The following ZFYVE16 variants were observed in gnomAD, a reference collection of about 807,000 sequenced individuals.
The protein encoded by ZFYVE16 is zinc finger FYVE domain-containing protein 16.
ZFYVE16 carries 89 observed loss-of-function variants against 138.1 expected under a neutral mutation model. The observed-to-expected ratio is 0.64, with a 90% confidence interval of 0.54 to 0.77. The LOEUF (loss-of-function observed/expected upper bound fraction) is 0.77. Among genes scored for constraint, ZFYVE16 ranks in the 30% least tolerant of loss-of-function variants. ZFYVE16 has a pLI of 0.00. For synonymous variants in ZFYVE16, 596 were observed against 618.3 expected, an observed-to-expected ratio of 0.96 and a Z score of 0.53; for missense variants, 1,793 against 1,786.7, an observed-to-expected ratio of 1.00 and a Z score of -0.06.
Position 80,421,369 on chromosome 5 carries a change from C to G in ZFYVE16, c.-93-6123C>G, listed in dbSNP as rs954250494. 1.1e-4 allele frequency among the ~76,000 whole-genome samples: 17 copies of G among 152,238 alleles called. 1 individual carries two copies. The highest frequency in any genetic ancestry group is 3.9e-4 in the African/African-American group (16 of 41,538). ...GGTGTTTTAGACATGAAGTCCTTGC[C>G]CATGCCTATGTCCTGAATGGTATTG... On this transcript the variant is annotated intron_variant, in intron 1 of 18. Transcript: ENST00000505560.
At chr5:80,464,216 A>G (rs1392438117) in intron 15 of ZFYVE16, among the ~76,000 whole-genome samples, 1 of 152,080 alleles carries the variant, frequency 6.6e-6, no homozygotes, top group Non-Finnish European at 1.5e-5. Context: ...GACATACCCG[A>G]GACTGGGTAA....
At chr5:80,473,957 C>CA in intron 17 of ZFYVE16, 98 bp downstream of exon 17, 1 of 812,170 alleles carries the variant, frequency 1.2e-6, no homozygotes, top group Non-Finnish European at 2.0e-6. Context: ...TTATGCATAG[C>CA]TTATTATACT....
chr5:80,454,210 G>A (rs1752272825), intron 11 of ZFYVE16: 1 of 152,120 alleles, frequency 6.6e-6, no homozygotes, highest in Admixed American at 6.5e-5. Flanking sequence ...CTAATGTTGG[G>A]TATGTGGTGT....
At chr5:80,451,433 A>G in intron 10 of ZFYVE16, 52 bp from the exon 11 acceptor site, 2 of 1,450,766 alleles carry the variant, frequency 1.4e-6, no homozygotes, top group South Asian at 2.6e-5. Flanking sequence ...ACATTTCTTC[A>G]AAACAATAAC....
intron 12 of ZFYVE16, 187 bp downstream of exon 12, chr5:80,455,961 G>A (rs554517786): frequency 8.3e-5 from 45 of 540,556 alleles, no homozygotes; most frequent in East Asian, 5.3e-4. Flanking sequence ...TTTTTAGAAC[G>A]TACTATCTCC....
At chr5:80,474,425 G>A (rs1267525939) in intron 17 of ZFYVE16, among the ~76,000 whole-genome samples, 6 of 152,086 alleles carry the variant, frequency 3.9e-5, no homozygotes, top group Admixed American at 3.9e-4. Context: ...GATTTAATAA[G>A]CCTTTCCTTG....
rs777883268 is a variant in ZFYVE16, at chr5:80,457,102, T to C, written c.3943+10T>C. The C allele has an allele frequency of 6.2e-7, 1 of 1,608,862 alleles. No homozygotes were observed. The highest frequency in any genetic ancestry group is 1.7e-5 in the Admixed American group (1 of 58,780). On this transcript the variant is annotated intron_variant, in intron 14 of 18. Coordinates refer to ENST00000505560, the MANE Select transcript of ZFYVE16 (RefSeq NM_001284236.3). ...GGCCATCCTAGAAAAGGTGAGCATC[T>C]TGGTTCCTAGTGCTAATTTACAAAA... is the stretch of plus-strand genomic sequence containing the variant.
At chr5:80,435,345 T>C (rs1169822059) in intron 3 of ZFYVE16, among the ~76,000 whole-genome samples, 1 of 151,500 alleles carries the variant, frequency 6.6e-6, no homozygotes, top group African/African-American at 2.4e-5. Context: ...ATTTTTGTAT[T>C]TTTGGTAGAG....
intron 1 of ZFYVE16, among the ~76,000 whole-genome samples, chr5:80,418,566 A>G (rs1442076498): frequency 2.0e-5 from 3 of 151,972 alleles, no homozygotes; most frequent in Non-Finnish European, 4.4e-5. Context: ...TTCCCACCTC[A>G]GCTTCTTAAA....
Position 80,450,546 on chromosome 5 carries a change from C to T in ZFYVE16, c.3342C>T (p.Ile1114=). 3.7e-6 allele frequency: 6 copies of T among 1,613,576 alleles called. No individual in the cohort carries two copies. Among genetic ancestry groups the T allele is most frequent in the East Asian group, 2.2e-5 (1 of 44,736 alleles). ...LPNEDTIPKD[I]FRLFITIYKD... is the part of the protein sequence containing the mutation. ...ATGAAGATACTATTCCTAAGGACAT[C>T]TTCAGACTATTTATCACCATATATA... Residue 1114 remains isoleucine (I), a synonymous_variant, in exon 10 of 19, where the codon ATC becomes ATT. Transcript: ENST00000505560.
Position 80,443,255 on chromosome 5 carries a change from T to TGG in ZFYVE16, c.2552_2553insGG (p.Ser852AlafsTer58). 2 of 1,610,484 alleles carry TGG rather than the reference T, an allele frequency of 1.2e-6. No homozygotes were observed. Among genetic ancestry groups the TGG allele is most frequent in the South Asian group, 2.2e-5 (2 of 90,190 alleles). On this transcript the variant is annotated frameshift_variant, in exon 6 of 19. Transcript: ENST00000505560. LOFTEE classifies it high-confidence loss of function. Reference sequence around the variant, plus strand: ...ATACCTTCACCAGCAACTTTGCCAGTCTCAGCACTTAAACAACCAGGTGTT... The same window carrying TGG: ...ATACCTTCACCAGCAACTTTGCCAGTGGCTCAGCACTTAAACAACCAGGTGTT...
At chr5:80,422,087 G>A (rs899861974) in intron 1 of ZFYVE16, among the ~76,000 whole-genome samples, 14 of 152,054 alleles carry the variant, frequency 9.2e-5, no homozygotes, top group Non-Finnish European at 1.9e-4. Flanking sequence ...TCATGATTTG[G>A]CTCTCTGTTT....
At chr5:80,408,661 G>T (rs1387227625) in intron 1 of ZFYVE16, among the ~76,000 whole-genome samples, 2 of 152,256 alleles carry the variant, frequency 1.3e-5, no homozygotes, top group Non-Finnish European at 2.9e-5. Flanking sequence ...AGACCAGAAG[G>T]ATGCAGTGGC....
chr5:80,423,254 G>T (rs1162688511), intron 1 of ZFYVE16, among the ~76,000 whole-genome samples: 1 of 151,946 alleles, frequency 6.6e-6, no homozygotes, highest in Non-Finnish European at 1.5e-5. Context: ...ACTTTTGGCC[G>T]TTTATATCAT....
intron 7 of ZFYVE16, among the ~76,000 whole-genome samples, chr5:80,446,213 T>A (rs1211497562): frequency 2.0e-5 from 3 of 152,214 alleles, no homozygotes; most frequent in Admixed American, 2.0e-4. Context: ...TTACCTTTTT[T>A]AAATGTCAGT....
chr5:80,421,581 G>A (rs1747185563), intron 1 of ZFYVE16, among the ~76,000 whole-genome samples: 1 of 152,064 alleles, frequency 6.6e-6, no homozygotes, highest in Non-Finnish European at 1.5e-5. Flanking sequence ...TTTTTATCAG[G>A]TTTGTCAAAG....
Position 80,443,110 on chromosome 5 carries a change from T to C in ZFYVE16, c.2420-13T>C, listed in dbSNP as rs1375584760. 2 of 1,520,842 alleles carry C rather than the reference T, an allele frequency of 1.3e-6. No homozygotes were observed. The highest frequency in any genetic ancestry group is 2.7e-5 in the South Asian group (2 of 75,294). The allele number at this position is 1,520,842 out of a possible 1,614,324, so 94.2% of individuals were successfully genotyped here. On this transcript the variant is annotated splice_polypyrimidine_tract_variant and intron_variant, in intron 5 of 18. Transcript: ENST00000505560. ...CATCTGAGATTTTAACACTATTGTT[T>C]TCCCCTTTATAGCTCAGGCATTTGA...
chr5:80,447,594 C>T (rs766948022), intron 7 of ZFYVE16, among the ~76,000 whole-genome samples: 5 of 152,104 alleles, frequency 3.3e-5, no homozygotes, highest in East Asian at 1.9e-4. Context: ...ATATAGCTAA[C>T]GCACTGCTTC....
intron 10 of ZFYVE16, among the ~76,000 whole-genome samples, chr5:80,451,062 T>G (rs1751944270): frequency 6.6e-6 from 1 of 152,180 alleles, no homozygotes; most frequent in African/African-American, 2.4e-5. Flanking sequence ...TCCGCCCGCC[T>G]CAGTCTCCCA....
Sources: allele counts gnomAD v4.1 joint callset (sites outside exome capture counted in the v4.1 genomes callset), GRCh38; gene constraint gnomAD v4.1.1; transcripts MANE v1.5; gene names NCBI Gene and HGNC (gene_info 2026-07-23, HGNC 2026-07-21).